Variants in SPAG16 observed in about 807,000 individuals in gnomAD.
SPAG16 encodes the protein sperm-associated antigen 16 protein.
A neutral mutation model predicts 80.4 loss-of-function variants in SPAG16; 86 were observed. The ratio of observed to expected loss-of-function variants is 1.07; its 90% CI spans 0.90 to 1.28. The LOEUF is 1.28. SPAG16 is among the 50% of genes most tolerant of loss of function. The probability of loss-of-function intolerance (pLI) is 0.00; values close to 1 mark genes in which losing one functional copy is unlikely to be tolerated. For synonymous variants in SPAG16, 294 were observed against 265.9 expected, an observed-to-expected ratio of 1.11 and a Z score of -1.03; for missense variants, 870 against 765.3, an observed-to-expected ratio of 1.14 and a Z score of -1.61.
intron 12 of SPAG16, among the ~76,000 whole-genome samples, chr2:213,949,305 G>T (rs1314903646): frequency 1.3e-5 from 2 of 149,768 alleles, no homozygotes; most frequent in Non-Finnish European, 3.0e-5. Context: ...TAAGTATCTG[G>T]GACTACAGGT....
At chr2:213,832,053 G>T (rs2073693515) in intron 10 of SPAG16, among the ~76,000 whole-genome samples, 1 of 151,936 alleles carries the variant, frequency 6.6e-6, no homozygotes, top group Admixed American at 6.6e-5. Context: ...ATGGAGTGCA[G>T]TGGCACAATC....
At chr2:213,969,158 A>T (rs987167129) in intron 12 of SPAG16, among the ~76,000 whole-genome samples, 1 of 152,218 alleles carries the variant, frequency 6.6e-6, no homozygotes, top group Non-Finnish European at 1.5e-5. Flanking sequence ...ATAGGCAAAG[A>T]CATGGTAGAA....
chr2:213,324,560 GTAT>G (rs2063764166), intron 5 of SPAG16, among the ~76,000 whole-genome samples: 1 of 152,066 alleles, frequency 6.6e-6, no homozygotes, highest in South Asian at 2.1e-4. Flanking sequence ...TCTGTACAAT[GTAT>G]TATTTTTGCC....
At chr2:214,220,964 T>A (rs1359999914) in intron 15 of SPAG16, among the ~76,000 whole-genome samples, 1 of 152,168 alleles carries the variant, frequency 6.6e-6, no homozygotes, top group Non-Finnish European at 1.5e-5. Flanking sequence ...TCAGGACTTT[T>A]GTAGTTTCTT....
At position 213,339,608 on chromosome 2, in the gene SPAG16, C is replaced by T. The variant is rs1386146857; in HGVS notation, c.537-555C>T. Among the ~76,000 whole-genome samples the T allele has an allele frequency of 2.6e-5, 4 of 152,256 alleles. No homozygotes were observed. In the East Asian group the frequency reaches 5.8e-4, roughly 22 times the overall value. On this transcript the variant is annotated intron_variant, in intron 5 of 15. Coordinates refer to ENST00000331683, the MANE Select transcript of SPAG16 (RefSeq NM_024532.5). The stretch of plus-strand genomic sequence containing the variant: ...CAGCACTGATATTGAAGACCATTCT[C>T]ATCAAGCTATGAATTATGTAGTAAT...
rs1011017751 is a variant in SPAG16 at position 213,457,571 on chromosome 2, G to T, written c.943-32392G>T. Among the ~76,000 whole-genome samples, 7 of 152,180 alleles carry T rather than the reference G, an allele frequency of 4.6e-5. No homozygotes were observed. The South Asian group carries it at 1.5e-3, about 32-fold the overall frequency. On this transcript the variant is annotated intron_variant, in intron 9 of 15. Transcript: ENST00000331683. ...TCTACCCTGTGGCTTTTAACATCATGGGTGTCCCTTTTCTTTTTTTTAAAA... is the reference window on the plus strand; with the variant it reads ...TCTACCCTGTGGCTTTTAACATCATTGGTGTCCCTTTTCTTTTTTTTAAAA...
At chr2:213,694,042 CAAAAA>C (rs68152101) in intron 10 of SPAG16, among the ~76,000 whole-genome samples, 1 of 121,368 alleles carries the variant, frequency 8.2e-6, no homozygotes, top group African/African-American at 3.2e-5. Flanking sequence ...TTATGCAAGA[CAAAAA>C]AAAAAAAGAA....
At chr2:213,556,275 G>A (rs1213929933) in intron 10 of SPAG16, among the ~76,000 whole-genome samples, 6 of 113,458 alleles carry the variant, frequency 5.3e-5, no homozygotes, top group Non-Finnish European at 8.9e-5. Context: ...CCAGTCAAAA[G>A]ATGTAAGGGG....
chr2:213,714,494 C>T (rs940071152), intron 10 of SPAG16, among the ~76,000 whole-genome samples: 2 of 152,074 alleles, frequency 1.3e-5, no homozygotes, highest in Non-Finnish European at 2.9e-5. Flanking sequence ...GAGATTTTTA[C>T]AGTTGAACAA....
At chr2:213,945,729 CAGAT>C (rs1011468879) in intron 12 of SPAG16, among the ~76,000 whole-genome samples, 3 of 152,084 alleles carry the variant, frequency 2.0e-5, no homozygotes, top group African/African-American at 7.2e-5. Context: ...CTAACCATCA[CAGAT>C]AGTCATTTGC....
intron 10 of SPAG16, among the ~76,000 whole-genome samples, chr2:213,597,196 T>G (rs115957310): frequency 0.012 from 1,883 of 152,278 alleles, 18 homozygotes; most frequent in South Asian, 0.034. Flanking sequence ...TTAATAAAAT[T>G]TATTCATTCA....
chr2:214,214,501 G>A (rs1256121323), intron 15 of SPAG16, among the ~76,000 whole-genome samples: 1 of 151,910 alleles, frequency 6.6e-6, no homozygotes, highest in Non-Finnish European at 1.5e-5. Context: ...CTTAATTCCT[G>A]TTCCTTCCTG....
chr2:213,683,341 A>T (rs2064489053), intron 10 of SPAG16, among the ~76,000 whole-genome samples: 1 of 152,200 alleles, frequency 6.6e-6, no homozygotes, highest in African/African-American at 2.4e-5. Flanking sequence ...ACTTGAGGTC[A>T]GAAGTTCAAG....
chr2:213,368,048 C>T (rs2125152155), intron 8 of SPAG16, among the ~76,000 whole-genome samples: 1 of 150,508 alleles, frequency 6.6e-6, no homozygotes, highest in South Asian at 2.1e-4. Flanking sequence ...ATAGGGAATC[C>T]TTTCCCCATT....
At chr2:213,322,266 CT>C (rs1320892303) in intron 5 of SPAG16, among the ~76,000 whole-genome samples, 1 of 129,982 alleles carries the variant, frequency 7.7e-6, no homozygotes, top group African/African-American at 2.9e-5. Context: ...TAATTAAAAC[CT>C]TTTTGCTTGA....
chr2:213,389,561 A>C (rs146553341), intron 9 of SPAG16, among the ~76,000 whole-genome samples: 1 of 152,160 alleles, frequency 6.6e-6, no homozygotes, highest in Non-Finnish European at 1.5e-5. Context: ...AACAACAACA[A>C]AAAGTCCAAT....
intron 10 of SPAG16, among the ~76,000 whole-genome samples, chr2:213,521,402 A>G (rs1336133087): frequency 6.6e-6 from 1 of 152,210 alleles, no homozygotes; most frequent in Non-Finnish European, 1.5e-5. Flanking sequence ...CCCAAGGACA[A>G]TCACCACACC....
At chr2:213,472,984 G>T (rs1181884209) in intron 9 of SPAG16, among the ~76,000 whole-genome samples, 3 of 152,168 alleles carry the variant, frequency 2.0e-5, no homozygotes, top group Non-Finnish European at 4.4e-5. Flanking sequence ...AAGAGGTCTT[G>T]GCTCCCCCTT....
At chr2:213,503,723 T>C (rs933494541) in intron 10 of SPAG16, among the ~76,000 whole-genome samples, 4 of 152,062 alleles carry the variant, frequency 2.6e-5, no homozygotes, top group Non-Finnish European at 5.9e-5. Context: ...TGACAAGGAA[T>C]AAAGGGAAAT....
Sources: allele counts gnomAD v4.1 joint callset (sites outside exome capture counted in the v4.1 genomes callset), GRCh38; gene constraint gnomAD v4.1.1; transcripts MANE v1.5; gene names NCBI Gene and HGNC (gene_info 2026-07-23, HGNC 2026-07-21).